MAGI3: variants seen among roughly 807,000 people sequenced by gnomAD.
MAGI3 encodes membrane-associated guanylate kinase, WW and PDZ domain-containing protein 3.
A neutral mutation model predicts 121.8 loss-of-function variants in MAGI3; 43 were observed. The observed-to-expected ratio is 0.35, with a 90% CI of 0.28 to 0.46. The LOEUF is 0.46. MAGI3 is among the 20% of genes least tolerant of loss of function. The pLI is 1.00. For synonymous variants in MAGI3, 553 were observed against 639.3 expected, an observed-to-expected ratio of 0.86 and a Z score of 2.04; for missense variants, 1,547 against 1,797.3, an observed-to-expected ratio of 0.86 and a Z score of 2.52.
At chr1:113,521,620 A>G (rs566179015) in intron 1 of MAGI3, among the ~76,000 whole-genome samples, 1 of 150,778 alleles carries the variant, frequency 6.6e-6, no homozygotes, top group South Asian at 2.1e-4. Flanking sequence ...GTTAGCCAGG[A>G]TGGTCTCGAT....
At chr1:113,435,005 C>A (rs1224567662) in intron 1 of MAGI3, among the ~76,000 whole-genome samples, 3 of 152,094 alleles carry the variant, frequency 2.0e-5, no homozygotes, top group Non-Finnish European at 4.4e-5. Flanking sequence ...TTTATAGTTA[C>A]ATATTTAGTT....
At chr1:113,531,212 A>G (rs1658703477) in intron 1 of MAGI3, among the ~76,000 whole-genome samples, 1 of 152,172 alleles carries the variant, frequency 6.6e-6, no homozygotes, top group East Asian at 1.9e-4. Flanking sequence ...AAATCTGCTA[A>G]TTTAAAGCTT....
intron 6 of MAGI3, among the ~76,000 whole-genome samples, chr1:113,602,793 G>T (rs1649487835): frequency 6.6e-6 from 1 of 152,082 alleles, no homozygotes; most frequent in Non-Finnish European, 1.5e-5. Context: ...AGGTATGGTG[G>T]TGCCCACCTG....
At chr1:113,517,332 TA>T (rs141847716) in intron 1 of MAGI3, among the ~76,000 whole-genome samples, 2,066 of 152,006 alleles carry the variant, frequency 0.014, 49 homozygotes, top group African/African-American at 0.046. Context: ...AAGTTTTATT[TA>T]TTTTTTTTAA....
At position 113,552,803 on chromosome 1, in the gene MAGI3, C is replaced by G. The variant is rs148938979; in HGVS notation, c.433+3172C>G. ...CCAAAGCTCCCTCTAGGAACCTAGACGCAATGACACATCAGTAGCAGGTAG... is the reference window on the plus strand; with the variant it reads ...CCAAAGCTCCCTCTAGGAACCTAGAGGCAATGACACATCAGTAGCAGGTAG... On this transcript the variant is annotated intron_variant, in intron 2 of 20. Coordinates refer to ENST00000307546, the MANE Select transcript of MAGI3 (RefSeq NM_001142782.2). Among the ~76,000 whole-genome samples, 6 of 152,218 alleles carry G rather than the reference C, an allele frequency of 3.9e-5. No individual in the cohort carries two copies. In the East Asian group the frequency reaches 1.2e-3, roughly 29 times the overall value.
intron 1 of MAGI3, among the ~76,000 whole-genome samples, chr1:113,468,531 A>AC (rs1410085544): frequency 6.6e-6 from 1 of 152,192 alleles, no homozygotes; most frequent in Admixed American, 6.5e-5. Flanking sequence ...ACTGTATTGG[A>AC]CAGGACAGCT....
rs974136612 is a variant in MAGI3, at chr1:113,391,361, C to T, written c.316+12C>T. On this transcript the variant is annotated intron_variant, in intron 1 of 20. Transcript: ENST00000307546. The surrounding 1 kb of genome is among the most constrained non-coding windows in gnomAD (Gnocchi z 4.4). ...GACTGTGAAACCAGGTACGCCGGCC[C>T]TGCGTATCTGTCTCGGGGTGTTGGG... 7 of 1,580,138 alleles carry T rather than the reference C, an allele frequency of 4.4e-6. No homozygotes were observed. The highest frequency in any genetic ancestry group is 6.0e-6 in the Non-Finnish European group (7 of 1,164,128).
intron 2 of MAGI3, among the ~76,000 whole-genome samples, chr1:113,567,686 ATT>A (rs1240799304): frequency 4.6e-5 from 7 of 152,064 alleles, no homozygotes; most frequent in Non-Finnish European, 1.0e-4. Flanking sequence ...CCCTATCAGG[ATT>A]TTTAAAAATA....
chr1:113,470,335 A>G (rs1655483469), intron 1 of MAGI3, among the ~76,000 whole-genome samples: 1 of 152,074 alleles, frequency 6.6e-6, no homozygotes, highest in Admixed American at 6.6e-5. Flanking sequence ...CTGAATTGCC[A>G]CCACCACCAC....
chr1:113,618,353 A>G (rs1650605902), intron 7 of MAGI3, among the ~76,000 whole-genome samples: 1 of 152,086 alleles, frequency 6.6e-6, no homozygotes, highest in Non-Finnish European at 1.5e-5. Flanking sequence ...AAAAATAAAT[A>G]AAGAAATAAA....
chr1:113,478,093 CT>C (rs1655931671), intron 1 of MAGI3, among the ~76,000 whole-genome samples: 2 of 152,164 alleles, frequency 1.3e-5, no homozygotes, highest in African/African-American at 4.8e-5. Flanking sequence ...CATTTAAGGT[CT>C]TCTCTACACT....
rs1557757428 is a variant in MAGI3, at chr1:113,437,949, CCTTCTT to C, written c.316+46604_316+46609del. Among the ~76,000 whole-genome samples the C allele has an allele frequency of 5.0e-5, 7 of 141,192 alleles. 1 individual carries two copies. The highest frequency in any genetic ancestry group is 1.9e-4 in the African/African-American group (7 of 37,748). 92.6% of individuals were successfully genotyped at this position (141,192 alleles called of 152,430 possible). A position where few individuals can be genotyped will look rare whatever the true frequency, so the allele number is the denominator to read the frequency against. On this transcript the variant is annotated intron_variant, in intron 1 of 20. Transcript: ENST00000307546. The stretch of plus-strand genomic sequence containing the variant: ...TCCTTCTCCTTCTCCTTCTCCTTCT[CCTTCTT>C]CTTTTCTTTTTTGAATATATAGAGA...
chr1:113,473,972 G>A (rs1184743493), intron 1 of MAGI3, among the ~76,000 whole-genome samples: 1 of 151,624 alleles, frequency 6.6e-6, no homozygotes, highest in Non-Finnish European at 1.5e-5. Flanking sequence ...ACTGGTGTGA[G>A]ATGGTATCTC....
chr1:113,467,676 G>A (rs891395022), intron 1 of MAGI3, among the ~76,000 whole-genome samples: 1 of 152,088 alleles, frequency 6.6e-6, no homozygotes, highest in Admixed American at 6.5e-5. Flanking sequence ...GGGATTACAG[G>A]TGCATGCCAC....
At chr1:113,491,300 C>T (rs1656655201) in intron 1 of MAGI3, among the ~76,000 whole-genome samples, 1 of 152,032 alleles carries the variant, frequency 6.6e-6, no homozygotes, top group South Asian at 2.1e-4. Flanking sequence ...GAAATTAAGG[C>T]AGAAATAAAA....
intron 1 of MAGI3, among the ~76,000 whole-genome samples, chr1:113,431,178 CATG>C (rs1358079128): frequency 6.6e-6 from 1 of 152,068 alleles, no homozygotes; most frequent in East Asian, 1.9e-4. Context: ...ATTAACCTGG[CATG>C]GTGGTGTATG....
At chr1:113,554,449 CTT>C (rs1044786533) in intron 2 of MAGI3, among the ~76,000 whole-genome samples, 2 of 144,486 alleles carry the variant, frequency 1.4e-5, no homozygotes, top group Non-Finnish European at 1.5e-5. Context: ...AAAAAGTGAA[CTT>C]TTTTTTTTTT....
At position 113,451,944 on chromosome 1, in the gene MAGI3, C is replaced by T. The variant is rs7552564; in HGVS notation, c.316+60595C>T. Among the ~76,000 whole-genome samples, 6 of 152,130 alleles carry T rather than the reference C, an allele frequency of 3.9e-5. No homozygotes were observed. The South Asian group carries it at 1.0e-3, about 26-fold the overall frequency. On this transcript the variant is annotated intron_variant, in intron 1 of 20. Coordinates refer to ENST00000307546, the MANE Select transcript of MAGI3 (RefSeq NM_001142782.2). ...TAAATGAGGGTGGATGGATAATAAACGTTTCTTCACAATTACTTCCTTAGC... is the reference window on the plus strand; with the variant it reads ...TAAATGAGGGTGGATGGATAATAAATGTTTCTTCACAATTACTTCCTTAGC...
At chr1:113,441,292 C>T (rs555026628) in intron 1 of MAGI3, among the ~76,000 whole-genome samples, 18 of 152,212 alleles carry the variant, frequency 1.2e-4, no homozygotes, top group African/African-American at 4.3e-4. Context: ...TGGAGCCTTC[C>T]ACAATTATTA....
Sources: allele counts gnomAD v4.1 joint callset (sites outside exome capture counted in the v4.1 genomes callset), GRCh38; gene constraint gnomAD v4.1.1; non-coding constraint Gnocchi (gnomAD v3.1); transcripts MANE v1.5; gene names NCBI Gene and HGNC (gene_info 2026-07-23, HGNC 2026-07-21).